DNAI7: variants seen among roughly 807,000 people sequenced by gnomAD.
The protein encoded by DNAI7 is cancer susceptibility 1.
A neutral mutation model predicts 86.6 loss-of-function variants in DNAI7; 78 were observed. The ratio of observed to expected loss-of-function variants is 0.90; its 90% CI spans 0.75 to 1.09. DNAI7 has a LOEUF of 1.09. Among genes scored for constraint, DNAI7 ranks in the 50% least tolerant of loss-of-function variants. The pLI is 0.00. For missense variants in DNAI7, 753 were observed against 810.2 expected, an observed-to-expected ratio of 0.93 and a Z score of 0.86; for synonymous variants, 274 against 273.0, an observed-to-expected ratio of 1.00 and a Z score of -0.04.
downstream of DNAI7, chr12:25,108,043 G>C (rs756832239): frequency 1.5e-5 from 24 of 1,613,706 alleles, no homozygotes; most frequent in Middle Eastern, 1.6e-4. Flanking sequence ...CCGACACAAT[G>C]GGCCACCACC....
intron 9 of DNAI7, among the ~76,000 whole-genome samples, chr12:25,137,567 G>A (rs1382548842): frequency 6.6e-6 from 1 of 152,032 alleles, no homozygotes; most frequent in Non-Finnish European, 1.5e-5. Context: ...GGATGTAAAT[G>A]GCCTAAATGC....
chr12:25,174,573 GATATATATCATATATATGGGAT>G (rs1565812580), intron 2 of DNAI7, among the ~76,000 whole-genome samples: 7 of 23,878 alleles, frequency 2.9e-4, no homozygotes, highest in South Asian at 1.2e-3. Context: ...ATATATATGG[GATATATATCATATATATGGGAT>G]ATATATATGA....
chr12:25,190,592 T>A, intron 2 of DNAI7, 22 bp downstream of exon 2: 1 of 1,232,346 alleles, frequency 8.1e-7, no homozygotes, highest in Non-Finnish European at 1.1e-6. Flanking sequence ...CAACTATCTA[T>A]TTTGAAAAAA....
At chr12:25,133,912 T>C (rs1354558816) in intron 9 of DNAI7, among the ~76,000 whole-genome samples, 5 of 152,252 alleles carry the variant, frequency 3.3e-5, no homozygotes, top group Admixed American at 1.3e-4. Context: ...TTCATTGCCT[T>C]TTATAAAGTA....
At chr12:25,111,497 AG>A (rs1938808725) in intron 14 of DNAI7, among the ~76,000 whole-genome samples, 1 of 152,226 alleles carries the variant, frequency 6.6e-6, no homozygotes, top group Admixed American at 6.5e-5. Context: ...GCAAAAAGAA[AG>A]TATATAAAAT....
chr12:25,136,860 GAAAAAGA>G (rs1288148329), intron 9 of DNAI7, among the ~76,000 whole-genome samples: 2 of 151,780 alleles, frequency 1.3e-5, no homozygotes, highest in African/African-American at 4.8e-5. Context: ...ACCCAACAAA[GAAAAAGA>G]AAAAAGAATT....
intron 9 of DNAI7, among the ~76,000 whole-genome samples, chr12:25,130,739 A>C (rs1942805376): frequency 6.6e-6 from 1 of 152,090 alleles, no homozygotes; most frequent in African/African-American, 2.4e-5. Context: ...TTAGAAAAAA[A>C]ATTTCTCACA....
intron 2 of DNAI7, among the ~76,000 whole-genome samples, chr12:25,173,170 C>T (rs767819435): frequency 4.3e-4 from 66 of 152,156 alleles, no homozygotes; most frequent in Middle Eastern, 3.4e-3. Context: ...CAACCCACAA[C>T]GTGAGAGAAA....
chr12:25,120,440 C>A (rs897215081), intron 11 of DNAI7, among the ~76,000 whole-genome samples: 21 of 151,674 alleles, frequency 1.4e-4, no homozygotes, highest in Non-Finnish European at 2.7e-4. Context: ...TAAACCAAGT[C>A]GGCCGGGCGC....
intron 4 of DNAI7, among the ~76,000 whole-genome samples, chr12:25,155,757 A>AC (rs1743490883): frequency 6.6e-6 from 1 of 152,218 alleles, no homozygotes; most frequent in Non-Finnish European, 1.5e-5. Context: ...TCAGACAGTG[A>AC]CCCCAAACTG....
In DNAI7 at chr12:25,131,237, T is replaced by A. The variant is rs372384499; in HGVS notation, c.1003-7951A>T. Reference sequence around the variant, plus strand: ...AAACATAGTTAAGTTTGCCTACTGATCTTACATGTAGTCCCTAATTTATAC... The same window carrying A: ...AAACATAGTTAAGTTTGCCTACTGAACTTACATGTAGTCCCTAATTTATAC... On this transcript the variant is annotated intron_variant, in intron 9 of 15. Transcript: ENST00000395987. Among the ~76,000 whole-genome samples, 5 of 152,054 alleles carry A rather than the reference T, an allele frequency of 3.3e-5. No individual in the cohort carries two copies. The East Asian group carries it at 7.7e-4, about 23-fold the overall frequency.
At chr12:25,171,969 T>A (rs1056638316) in intron 2 of DNAI7, among the ~76,000 whole-genome samples, 13 of 152,186 alleles carry the variant, frequency 8.5e-5, no homozygotes, top group African/African-American at 3.1e-4. Context: ...TATCTTAATG[T>A]AATAACAGCC....
At chr12:25,151,073 C>T (rs1234432899) in intron 6 of DNAI7, among the ~76,000 whole-genome samples, 2 of 152,190 alleles carry the variant, frequency 1.3e-5, no homozygotes, top group African/African-American at 4.8e-5. Context: ...TGAACACTAA[C>T]ACAGATAATA....
At chr12:25,194,434 T>C (rs1258456345) in intron 1 of DNAI7, among the ~76,000 whole-genome samples, 1 of 152,218 alleles carries the variant, frequency 6.6e-6, no homozygotes, top group African/African-American at 2.4e-5. Flanking sequence ...AGTAATTACA[T>C]TCTCCACTTC....
chr12:25,121,706 G>A lies in DNAI7; in HGVS notation c.1239+47C>T, dbSNP rs111706700. On this transcript the variant is annotated intron_variant, in intron 11 of 15. Transcript: ENST00000395987. ...AGATAATATGAAATAAAGTAAAAGC[G>A]TGAGCAATTATTTTACTTATAAGTT... 171 of 1,416,828 alleles carry A rather than the reference G, an allele frequency of 1.2e-4. 2 individuals carry two copies. In the African/African-American group the frequency reaches 1.3e-3, roughly 11 times the overall value. 87.8% of individuals were successfully genotyped at this position (1,416,828 alleles called of 1,614,324 possible).
At chr12:25,152,173 C>A (rs1565740272) in intron 6 of DNAI7, among the ~76,000 whole-genome samples, 1 of 152,158 alleles carries the variant, frequency 6.6e-6, no homozygotes. Flanking sequence ...ACAGAAACAG[C>A]TTTTGTTATT....
intron 13 of DNAI7, among the ~76,000 whole-genome samples, chr12:25,113,781 T>A (rs1222993001): frequency 6.6e-6 from 1 of 152,052 alleles, no homozygotes; most frequent in African/African-American, 2.4e-5. Flanking sequence ...GGTACAACTA[T>A]CCCCATAAAT....
At chr12:25,184,420 C>T (rs10842498) in intron 2 of DNAI7, among the ~76,000 whole-genome samples, 57,905 of 151,942 alleles carry the variant, frequency 0.38, 12,943 homozygotes, top group East Asian at 0.79. Flanking sequence ...AGCATGCTTT[C>T]GAGGTTCATC....
intron 8 of DNAI7, among the ~76,000 whole-genome samples, chr12:25,145,590 G>GT (rs1238348648): frequency 8.6e-5 from 13 of 151,966 alleles, no homozygotes; most frequent in Admixed American, 2.0e-4. Flanking sequence ...CAAAAAGTTG[G>GT]TTTTTTTGTT....
Sources: allele counts gnomAD v4.1 joint callset (sites outside exome capture counted in the v4.1 genomes callset), GRCh38; gene constraint gnomAD v4.1.1; transcripts MANE v1.5; gene names NCBI Gene and HGNC (gene_info 2026-07-23, HGNC 2026-07-21).